DSCAML1: variants seen among roughly 807,000 people sequenced by gnomAD.
DSCAML1 encodes the protein cell adhesion molecule DSCAML1.
DSCAML1 carries 38 observed loss-of-function variants against 200.5 expected under a neutral mutation model. That is an observed-to-expected ratio of 0.19 (90% CI 0.15 to 0.25). The LOEUF (loss-of-function observed/expected upper bound fraction) is 0.25, where lower values mean the gene tolerates loss of function less well. Ranked by LOEUF, DSCAML1 falls within the 10% of genes least tolerant of loss-of-function variation. DSCAML1 has a pLI of 1.00. For missense variants in DSCAML1, 2,223 were observed against 2,858.8 expected (o/e 0.78, Z 5.07); for synonymous variants, 1,215 against 1,165.0 (o/e 1.04, Z -0.87).
At chr11:117,514,983 G>A (rs1386845152) in intron 8 of DSCAML1, among the ~76,000 whole-genome samples, 1 of 152,218 alleles carries the variant, frequency 6.6e-6, no homozygotes. Flanking sequence ...AGATGGCACT[G>A]CACGTGGAGC....
intron 3 of DSCAML1, among the ~76,000 whole-genome samples, chr11:117,547,429 C>CGCTTCTAAG (rs1185927497): frequency 9.2e-5 from 14 of 152,280 alleles, no homozygotes; most frequent in African/African-American, 2.9e-4. Context: ...GCCCTTGGCT[C>CGCTTCTAAG]GCTTCTAAGG....
chr11:117,647,747 A>G (rs2052546036), intron 3 of DSCAML1, among the ~76,000 whole-genome samples: 1 of 152,176 alleles, frequency 6.6e-6, no homozygotes, highest in Non-Finnish European at 1.5e-5. Flanking sequence ...CAAAGAGAAG[A>G]TACAGTGGAG....
At chr11:117,798,575 C>T (rs972203476), upstream of DSCAML1, among the ~76,000 whole-genome samples, 6 of 152,100 alleles carry the variant, frequency 3.9e-5, no homozygotes, top group Non-Finnish European at 8.8e-5. Context: ...TTCATCATCC[C>T]AAACAGAATC....
chr11:117,634,804 C>A (rs545647424), intron 3 of DSCAML1, among the ~76,000 whole-genome samples: 11 of 152,328 alleles, frequency 7.2e-5, no homozygotes, highest in African/African-American at 2.6e-4. Context: ...CAGGTTGGAG[C>A]TTGGACATCC....
rs114648490 is a variant in DSCAML1 at position 117,490,196 on chromosome 11, G to A, written c.2360-8034C>T. Among the ~76,000 whole-genome samples the A allele has an allele frequency of 3.0e-3, 452 of 152,354 alleles. 5 individuals carry two copies. Among genetic ancestry groups the A allele is most frequent in the African/African-American group, 0.01 (419 of 41,584 alleles). Reference sequence around the variant, plus strand: ...CTTTCAGGGCAGCAAGCCGAGGTGGGAGGAAATCAATTTCAGAAACAAGAC... The same window carrying A: ...CTTTCAGGGCAGCAAGCCGAGGTGGAAGGAAATCAATTTCAGAAACAAGAC... On this transcript the variant is annotated intron_variant, in intron 11 of 32. Coordinates refer to ENST00000651296, the MANE Select transcript of DSCAML1 (RefSeq NM_020693.4).
chr11:117,623,211 CTTTTCTTTT>C (rs1239446786), intron 3 of DSCAML1, among the ~76,000 whole-genome samples: 1 of 101,998 alleles, frequency 9.8e-6, no homozygotes, highest in Non-Finnish European at 2.0e-5. Flanking sequence ...TTTTTCTTTT[CTTTTCTTTT>C]TTTTTTTTTT....
intron 20 of DSCAML1, among the ~76,000 whole-genome samples, chr11:117,447,231 C>T (rs111446534): frequency 4.6e-5 from 7 of 152,168 alleles, no homozygotes; most frequent in Non-Finnish European, 7.4e-5. Context: ...GAGGATACAG[C>T]GAGCTGAGAT....
intron 3 of DSCAML1, among the ~76,000 whole-genome samples, chr11:117,606,268 GA>G (rs1163561253): frequency 2.6e-5 from 4 of 152,118 alleles, no homozygotes; most frequent in African/African-American, 7.2e-5. Flanking sequence ...TAGGGATTAG[GA>G]ATGCATTCTC....
chr11:117,431,639 T>C lies in DSCAML1; in HGVS notation c.5269A>G (p.Thr1757Ala), dbSNP rs1455630914. 6.2e-7 allele frequency: 1 copy of C among 1,613,312 alleles called. No individual in the cohort carries two copies. The highest frequency in any genetic ancestry group is 2.2e-5 in the East Asian group (1 of 44,836). ...QWTLTKCQASTPARTLTSDWR... is the reference protein window; with the variant it reads ...QWTLTKCQASAPARTLTSDWR... ...TCGGAGGTGAGGGTGCGGGCAGGTG[T>C]GGAGGCCTGGCACTTGGTCAGGGTC... The change falls in exon 31 of 33, where the codon ACA becomes GCA. Residue 1757 changes from threonine to alanine, a missense_variant. By Grantham distance (58) the Thr-to-Ala change is moderately conservative (BLOSUM62 0). Coordinates refer to ENST00000651296, the MANE Select transcript of DSCAML1 (RefSeq NM_020693.4).
At chr11:117,438,862 C>T in intron 24 of DSCAML1, 23 bp downstream of exon 24, 1 of 1,532,144 alleles carries the variant, frequency 6.5e-7, no homozygotes, top group Non-Finnish European at 8.7e-7. Flanking sequence ...CCTATCTTCC[C>T]CCGCATCCAG....
intron 3 of DSCAML1, among the ~76,000 whole-genome samples, chr11:117,670,395 CTTA>C (rs540326632): frequency 6.6e-5 from 10 of 152,084 alleles, no homozygotes; most frequent in Admixed American, 2.0e-4. Context: ...ATATCGAATA[CTTA>C]TTATGTGCAA....
At chr11:117,577,513 CCT>C (rs2050965108) in intron 3 of DSCAML1, among the ~76,000 whole-genome samples, 3 of 49,944 alleles carry the variant, frequency 6.0e-5, no homozygotes, top group Admixed American at 1.8e-4. Flanking sequence ...TTCCCTCCTT[CCT>C]TCCTTCCTTC....
chr11:117,694,520 C>A (rs1015425924), intron 3 of DSCAML1, among the ~76,000 whole-genome samples: 2 of 152,110 alleles, frequency 1.3e-5, no homozygotes, highest in Admixed American at 1.3e-4. Context: ...TGTGCTATGC[C>A]CCCAGACCAT....
intron 3 of DSCAML1, among the ~76,000 whole-genome samples, chr11:117,717,438 C>T (rs901725135): frequency 1.3e-5 from 2 of 152,232 alleles, no homozygotes; most frequent in Admixed American, 6.5e-5. Context: ...TTTCCTCCAC[C>T]AGGGACAACA....
rs528777409 is a variant in DSCAML1 at position 117,591,694 on chromosome 11, C to T, written c.512-59172G>A. ...GGCGCTCTGATGGGGTTTTAACGGG[C>T]TCAGGTGCCAGCATCTACGTCCCTC... On this transcript the variant is annotated intron_variant, in intron 3 of 32. Coordinates refer to ENST00000651296, the MANE Select transcript of DSCAML1 (RefSeq NM_020693.4). Among the ~76,000 whole-genome samples the T allele has an allele frequency of 5.3e-5, 8 of 152,326 alleles. No individual in the cohort carries two copies. In the East Asian group the frequency reaches 1.5e-3, roughly 29 times the overall value.
chr11:117,778,883 G>A (rs558154930), intron 2 of DSCAML1, among the ~76,000 whole-genome samples: 20 of 152,210 alleles, frequency 1.3e-4, no homozygotes, highest in Admixed American at 2.0e-4. Flanking sequence ...CCTAAAAAGA[G>A]TCCATGGGGA....
chr11:117,803,689 T>G (rs1405881158), intron 1 of DSCAML1, among the ~76,000 whole-genome samples: 2 of 152,228 alleles, frequency 1.3e-5, no homozygotes, highest in Non-Finnish European at 2.9e-5. Flanking sequence ...CCAGGTTCTC[T>G]GGATTCTGGT....
chr11:117,683,692 T>C (rs1374427494), intron 3 of DSCAML1, among the ~76,000 whole-genome samples: 1 of 152,190 alleles, frequency 6.6e-6, no homozygotes, highest in African/African-American at 2.4e-5. Context: ...TCACTACTAC[T>C]TGAAGGATGT....
chr11:117,453,547 A>C (rs1426263585), intron 19 of DSCAML1, among the ~76,000 whole-genome samples: 1 of 152,138 alleles, frequency 6.6e-6, no homozygotes, highest in Non-Finnish European at 1.5e-5. Context: ...TTTCCCTTAC[A>C]TATTTTATAT....
Sources: gnomAD v4.1 joint callset for allele counts (sites outside exome capture counted in the v4.1 genomes callset) on GRCh38, gnomAD v4.1.1 for gene constraint, MANE v1.5 for transcripts, NCBI Gene and HGNC (gene_info 2026-07-23, HGNC 2026-07-21) for gene names.